The following DCAF6 variants were observed in gnomAD, a reference collection of about 807,000 sequenced individuals.
DCAF6 encodes the protein DDB1- and CUL4-associated factor 6.
In DCAF6, 54 loss-of-function variants were observed where a neutral mutation model predicts 125.1. The observed-to-expected ratio is 0.43, with a 90% CI of 0.35 to 0.54. The LOEUF is 0.54. Ranked by LOEUF, DCAF6 falls within the 20% of genes least tolerant of loss-of-function variation. DCAF6 has a pLI of 0.01. For missense variants in DCAF6, 934 were observed against 1,161.7 expected, an observed-to-expected ratio of 0.80 and a Z score of 2.85; for synonymous variants, 371 against 390.4, an observed-to-expected ratio of 0.95 and a Z score of 0.58.
rs77506234 is a variant in DCAF6, at chr1:167,956,403, G to A, written c.159+4542G>A. On this transcript the variant is annotated intron_variant, in intron 2 of 21. Coordinates refer to ENST00000367840, the MANE Select transcript of DCAF6 (RefSeq NM_001198956.2). ...TTTAAGTATCTGTAGAATCTGTAGT[G>A]TATGTTACTGTGTTTCTCATTACTG... Among the ~76,000 whole-genome samples the A allele has an allele frequency of 5.0e-3, 757 of 152,156 alleles. 5 individuals are homozygous for A. Among genetic ancestry groups the A allele is most frequent in the African/African-American group, 0.017 (710 of 41,528 alleles).
chr1:168,001,161 G>A (rs1050500667), intron 7 of DCAF6, among the ~76,000 whole-genome samples: 6 of 152,024 alleles, frequency 3.9e-5, no homozygotes, highest in African/African-American at 1.4e-4. Context: ...ACAGCTGGTT[G>A]TGGTGGCACA....
chr1:167,946,098 A>C (rs1005156243), intron 1 of DCAF6, among the ~76,000 whole-genome samples: 3 of 151,710 alleles, frequency 2.0e-5, no homozygotes, highest in African/African-American at 7.3e-5. Context: ...CTGGGATTAC[A>C]GGCATGTGCC....
chr1:167,898,926 A>C, the DCAF6 span, among the ~76,000 whole-genome samples: 2 of 152,128 alleles, frequency 1.3e-5, no homozygotes, highest in Non-Finnish European at 2.9e-5. Flanking sequence ...TCAATCTGCA[A>C]CTTAACCACA....
At chr1:167,903,752 G>T in the DCAF6 span, 1 of 687,900 alleles carries the variant, frequency 1.5e-6, no homozygotes. Context: ...TTTCAAAAAA[G>T]ACTGGTTTTA....
At chr1:167,890,615 C>A in the DCAF6 span, among the ~76,000 whole-genome samples, 2 of 152,038 alleles carry the variant, frequency 1.3e-5, no homozygotes, top group East Asian at 3.9e-4. Flanking sequence ...AGGTGCAAAG[C>A]CAGCCAGGTT....
chr1:168,019,477 TA>T (rs1225799449), intron 11 of DCAF6: 1 of 430,124 alleles, frequency 2.3e-6, no homozygotes, highest in African/African-American at 2.0e-5. Context: ...ATGAATGTCC[TA>T]AACAGGTATG....
At chr1:167,866,056 T>G in the DCAF6 span, among the ~76,000 whole-genome samples, 2 of 152,184 alleles carry the variant, frequency 1.3e-5, no homozygotes, top group African/African-American at 2.4e-5. Flanking sequence ...AGTGATGCAA[T>G]GAGCTTAAGA....
At chr1:168,043,952 G>C (rs1179566205) in intron 14 of DCAF6, among the ~76,000 whole-genome samples, 4 of 152,134 alleles carry the variant, frequency 2.6e-5, no homozygotes, top group Non-Finnish European at 5.9e-5. Context: ...TCAGTTTTAA[G>C]TTTAGATTTC....
intron 4 of DCAF6, among the ~76,000 whole-genome samples, chr1:167,979,447 C>G (rs1401477166): frequency 6.6e-6 from 1 of 151,790 alleles, no homozygotes; most frequent in Non-Finnish European, 1.5e-5. Flanking sequence ...TTTTAGATAC[C>G]TCATATAATT....
intron 19 of DCAF6, 117 bp downstream of exon 19, chr1:168,065,863 G>A: frequency 1.0e-6 from 1 of 988,414 alleles, no homozygotes; most frequent in Non-Finnish European, 1.4e-6. Context: ...ATCTGACTAG[G>A]CAGCAGTAGA....
At chr1:167,926,711 CAG>C in the DCAF6 span, among the ~76,000 whole-genome samples, 2 of 152,282 alleles carry the variant, frequency 1.3e-5, no homozygotes, top group African/African-American at 4.8e-5. Flanking sequence ...CAGCCGCTCC[CAG>C]AAAGTAGAGG....
chr1:167,986,227 C>G lies in DCAF6; in HGVS notation c.439-1268C>G, dbSNP rs201164669. On this transcript the variant is annotated intron_variant, in intron 4 of 21. Transcript: ENST00000367840. Reference sequence around the variant, plus strand: ...ATGCAGGCGTTTATTTTTAGTGGAACTGCTGGGTTATAGGAGAAGCATATG... The same window carrying G: ...ATGCAGGCGTTTATTTTTAGTGGAAGTGCTGGGTTATAGGAGAAGCATATG... Among the ~76,000 whole-genome samples the G allele has an allele frequency of 5.3e-5, 8 of 152,276 alleles. No individual in the cohort carries two copies. The East Asian group carries it at 1.3e-3, about 26-fold the overall frequency.
At chr1:167,896,371 A>T in the DCAF6 span, among the ~76,000 whole-genome samples, 2 of 152,128 alleles carry the variant, frequency 1.3e-5, no homozygotes, top group African/African-American at 4.8e-5. Context: ...TGTTTGATGG[A>T]TGAGGGAAAG....
intron 17 of DCAF6, among the ~76,000 whole-genome samples, chr1:168,051,465 A>G (rs1689931291): frequency 6.6e-6 from 1 of 152,172 alleles, no homozygotes; most frequent in Non-Finnish European, 1.5e-5. Flanking sequence ...GCACTTCTCT[A>G]TTTGGGACAT....
intron 10 of DCAF6, among the ~76,000 whole-genome samples, chr1:168,011,393 G>A (rs1269029913): frequency 2.0e-5 from 3 of 152,268 alleles, no homozygotes; most frequent in Non-Finnish European, 2.9e-5. Flanking sequence ...TGGGATTACA[G>A]GCGTGAGCCA....
intron 17 of DCAF6, among the ~76,000 whole-genome samples, chr1:168,052,849 TCTA>T (rs1381930972): frequency 6.6e-6 from 1 of 152,172 alleles, no homozygotes; most frequent in Non-Finnish European, 1.5e-5. Context: ...TCCAACTCCT[TCTA>T]CTCCTGCTTT....
upstream of DCAF6, among the ~76,000 whole-genome samples, chr1:167,932,823 A>AAAAAAG (rs1553201576): frequency 1.3e-5 from 2 of 150,654 alleles, no homozygotes; most frequent in Admixed American, 6.6e-5. Flanking sequence ...AAAAAAAAAA[A>AAAAAAG]AAAAGAAAAG....
At chr1:167,921,654 A>AT in the DCAF6 span, among the ~76,000 whole-genome samples, 1 of 152,034 alleles carries the variant, frequency 6.6e-6, no homozygotes, top group Non-Finnish European at 1.5e-5. Context: ...CCAAGTCACT[A>AT]TGTTTGTCCC....
the DCAF6 span, chr1:167,875,283 C>CAA: frequency 8.2e-7 from 1 of 1,215,618 alleles, no homozygotes; most frequent in Non-Finnish European, 1.2e-6. Context: ...GTTTCCTTCT[C>CAA]AATTGCTAAC....
Sources: allele counts gnomAD v4.1 joint callset (sites outside exome capture counted in the v4.1 genomes callset), GRCh38; gene constraint gnomAD v4.1.1; transcripts MANE v1.5; gene names NCBI Gene and HGNC (gene_info 2026-07-23, HGNC 2026-07-21).